Variants in SHANK2 observed in about 807,000 individuals in gnomAD.
The protein encoded by SHANK2 is SH3 and multiple ankyrin repeat domains protein 2.
SHANK2 carries 43 observed loss-of-function variants against 133.7 expected under a neutral mutation model. That is an observed-to-expected ratio of 0.32 (90% CI 0.25 to 0.41). The LOEUF is 0.41. Among genes scored for constraint, SHANK2 ranks in the 10% least tolerant of loss-of-function variants. The pLI is 1.00. For missense variants in SHANK2, 1,994 were observed against 2,235.8 expected (o/e 0.89, Z 2.18); for synonymous variants, 1,017 against 952.8 (o/e 1.07, Z -1.24).
intron 8 of SHANK2, among the ~76,000 whole-genome samples, chr11:71,090,088 CGTGTGTGT>C (rs1302645293): frequency 7.1e-6 from 1 of 141,136 alleles, no homozygotes; most frequent in Non-Finnish European, 1.6e-5. Context: ...AGACACAGAA[CGTGTGTGT>C]GTGTGTGTGT....
In SHANK2 at chr11:70,499,655, G is replaced by A. The variant is rs1251859248; in HGVS notation, c.2308+915C>T. Among the ~76,000 whole-genome samples the A allele has an allele frequency of 2.6e-5, 4 of 152,222 alleles. No homozygotes were observed. In the East Asian group the frequency reaches 5.8e-4, roughly 22 times the overall value. ...GTAATTGCACGACATAGAAAGAAGG[G>A]TATTCTGTACCCCGGGTGTCCACCA... On this transcript the variant is annotated intron_variant, in intron 21 of 25. Coordinates refer to ENST00000601538, the MANE Select transcript of SHANK2 (RefSeq NM_012309.5).
At chr11:70,688,650 T>C (rs1361008671) in intron 15 of SHANK2, among the ~76,000 whole-genome samples, 1 of 152,234 alleles carries the variant, frequency 6.6e-6, no homozygotes, top group Non-Finnish European at 1.5e-5. Context: ...CATTTGCAGA[T>C]GGCACAGGCA....
At chr11:70,503,110 C>T (rs1165847576) in intron 17 of SHANK2, among the ~76,000 whole-genome samples, 179 bp from the exon 18 acceptor site, 1 of 152,166 alleles carries the variant, frequency 6.6e-6, no homozygotes, top group East Asian at 1.9e-4. Context: ...AGAATGAATG[C>T]TGCTGTGACT....
At chr11:70,845,685 C>T (rs1948986769) in intron 11 of SHANK2, among the ~76,000 whole-genome samples, 1 of 152,080 alleles carries the variant, frequency 6.6e-6, no homozygotes, top group African/African-American at 2.4e-5. Flanking sequence ...GAAAGACGAG[C>T]CAAGCCAGGG....
chr11:70,658,051 T>C (rs2061425287), intron 17 of SHANK2, among the ~76,000 whole-genome samples: 1 of 151,874 alleles, frequency 6.6e-6, no homozygotes, highest in Admixed American at 6.6e-5. Flanking sequence ...ACAACGGGGG[T>C]TGTTCTTGCA....
intron 17 of SHANK2, among the ~76,000 whole-genome samples, chr11:70,538,863 C>T (rs1407481646): frequency 2.0e-5 from 3 of 152,192 alleles, no homozygotes; most frequent in Non-Finnish European, 4.4e-5. Flanking sequence ...TGAGTGCTGT[C>T]TCAGGGGCAC....
chr11:70,929,950 C>A (rs1318608767), intron 10 of SHANK2, among the ~76,000 whole-genome samples: 4 of 152,194 alleles, frequency 2.6e-5, no homozygotes, highest in Non-Finnish European at 5.9e-5. Flanking sequence ...CTGGTGTGAG[C>A]AAGCCCTGCA....
At chr11:70,655,133 G>A (rs60995035) in intron 17 of SHANK2, among the ~76,000 whole-genome samples, 2,120 of 152,228 alleles carry the variant, frequency 0.014, 46 homozygotes, top group African/African-American at 0.048. Flanking sequence ...TATGGCTCTT[G>A]TTACATACTA....
chr11:70,925,881 G>A (rs1950420526), intron 10 of SHANK2, among the ~76,000 whole-genome samples: 1 of 152,186 alleles, frequency 6.6e-6, no homozygotes, highest in Non-Finnish European at 1.5e-5. Context: ...AGGTTCCTGA[G>A]AGCCTCTGGT....
chr11:70,766,279 A>AT (rs1269674223), intron 14 of SHANK2, among the ~76,000 whole-genome samples: 4 of 152,234 alleles, frequency 2.6e-5, no homozygotes, highest in Admixed American at 6.5e-5. Flanking sequence ...TGAAGCCCTC[A>AT]TATCAGCTCT....
intron 17 of SHANK2, among the ~76,000 whole-genome samples, chr11:70,590,215 C>T (rs1367075382): frequency 2.0e-5 from 3 of 152,118 alleles, no homozygotes; most frequent in Non-Finnish European, 2.9e-5. Context: ...GGGACTTAAA[C>T]GCTGCAATCT....
intron 8 of SHANK2, among the ~76,000 whole-genome samples, chr11:71,076,756 C>T (rs1951225455): frequency 6.6e-6 from 1 of 152,236 alleles, no homozygotes; most frequent in East Asian, 1.9e-4. Flanking sequence ...CCACCCTGCT[C>T]CTGCAGAGGC....
intron 17 of SHANK2, among the ~76,000 whole-genome samples, chr11:70,632,913 G>A (rs1442875551): frequency 6.6e-6 from 1 of 152,116 alleles, no homozygotes; most frequent in Non-Finnish European, 1.5e-5. Flanking sequence ...TCTCTGAGAA[G>A]CCTGGGCCCC....
In SHANK2 at chr11:70,562,472, G is replaced by A. The variant is rs12803314; in HGVS notation, c.2062-59541C>T. 5.7e-3 allele frequency among the ~76,000 whole-genome samples: 867 copies of A among 152,276 alleles called. 6 individuals carry two copies. Among genetic ancestry groups the A allele is most frequent in the South Asian group, 8.5e-3 (41 of 4,828 alleles). ...GTTATTAGGTACATACATGTTTAGT[G>A]TTTTTAATGTCCTTCCATAGAACTG... On this transcript the variant is annotated intron_variant, in intron 17 of 25. Transcript: ENST00000601538.
rs1057108513 is a variant in SHANK2 at position 71,082,001 on chromosome 11, G to A, written c.913-6726C>T. Reference sequence around the variant, plus strand: ...CCTGCCAGCACCCACGTCCCACAGTGAGGCTCGGTCCCAGTTCCAAGGCTG... The same window carrying A: ...CCTGCCAGCACCCACGTCCCACAGTAAGGCTCGGTCCCAGTTCCAAGGCTG... On this transcript the variant is annotated intron_variant, in intron 8 of 25. Coordinates refer to ENST00000601538, the MANE Select transcript of SHANK2 (RefSeq NM_012309.5). Among the ~76,000 whole-genome samples the A allele has an allele frequency of 2.0e-4, 30 of 152,296 alleles. No homozygotes were observed. In the South Asian group the frequency reaches 5.6e-3, roughly 28 times the overall value.
chr11:70,710,794 G>A (rs1333904681), intron 14 of SHANK2, among the ~76,000 whole-genome samples: 6 of 152,186 alleles, frequency 3.9e-5, no homozygotes, highest in Non-Finnish European at 7.3e-5. Context: ...AGCCCTGTGA[G>A]AGCCTGGGCA....
intron 11 of SHANK2, chr11:70,826,764 C>T (rs1297959382): frequency 2.0e-5 from 6 of 300,390 alleles, no homozygotes; most frequent in Non-Finnish European, 3.3e-5. Context: ...GGCTACCTCT[C>T]GCGGCGCGCG....
chr11:70,787,939 T>C (rs1947705592), intron 14 of SHANK2, among the ~76,000 whole-genome samples: 1 of 152,118 alleles, frequency 6.6e-6, no homozygotes, highest in Non-Finnish European at 1.5e-5. Flanking sequence ...CCCTCCCAAG[T>C]TTACTCTGAG....
chr11:70,536,739 C>T (rs144761644), intron 17 of SHANK2, among the ~76,000 whole-genome samples: 2 of 152,302 alleles, frequency 1.3e-5, no homozygotes, highest in East Asian at 3.9e-4. Context: ...CCTTTTGTAT[C>T]TGCTTCTTTC....
Sources: gnomAD v4.1 joint callset for allele counts (sites outside exome capture counted in the v4.1 genomes callset) on GRCh38, gnomAD v4.1.1 for gene constraint, MANE v1.5 for transcripts, NCBI Gene and HGNC (gene_info 2026-07-23, HGNC 2026-07-21) for gene names.